COL5A1: variants seen among roughly 807,000 people sequenced by gnomAD.
The protein encoded by COL5A1 is collagen alpha-1(V) chain.
A neutral mutation model predicts 263.7 loss-of-function variants in COL5A1; 16 were observed. The observed-to-expected ratio is 0.06, with a 90% CI of 0.04 to 0.09. The LOEUF (loss-of-function observed/expected upper bound fraction) is 0.09, where lower values mean the gene tolerates loss of function less well. Ranked by LOEUF, COL5A1 falls within the 10% of genes least tolerant of loss-of-function variation. COL5A1 has a pLI of 1.00. For missense variants in COL5A1, 2,036 were observed against 2,540.5 expected (o/e 0.80, Z 4.27); for synonymous variants, 1,012 against 1,004.5 (o/e 1.01, Z -0.14).
rs1833769374 is a variant in COL5A1 at position 134,704,261 on chromosome 9, C to T, written c.654+2928C>T. 4.6e-5 allele frequency among the ~76,000 whole-genome samples: 7 copies of T among 152,146 alleles called. No homozygotes were observed. In the South Asian group the frequency reaches 1.5e-3, roughly 32 times the overall value. On this transcript the variant is annotated intron_variant, in intron 4 of 65. Transcript: ENST00000371817. Reference sequence around the variant, plus strand: ...TCTGACCGCTCCGAGACTCAGTTTCCCCATCTGTAAAATGACAATAATAGT... The same window carrying T: ...TCTGACCGCTCCGAGACTCAGTTTCTCCATCTGTAAAATGACAATAATAGT...
chr9:134,820,267 T>A, intron 58 of COL5A1, 44 bp downstream of exon 58: 1 of 1,508,544 alleles, frequency 6.6e-7, no homozygotes, highest in Non-Finnish European at 9.2e-7. Context: ...TCGAGAGGCA[T>A]TTTAGATCCC....
intron 63 of COL5A1, 103 bp from the exon 64 acceptor site, chr9:134,829,873 C>A: frequency 1.5e-6 from 2 of 1,297,330 alleles, no homozygotes; most frequent in South Asian, 1.3e-5. Context: ...CGTGAGGATG[C>A]AGGCGCGGGG....
At chr9:134,822,927 C>A in intron 59 of COL5A1, 71 bp from the exon 60 acceptor site, 1 of 1,571,592 alleles carries the variant, frequency 6.4e-7, no homozygotes, top group Non-Finnish European at 8.8e-7. Flanking sequence ...CCAGGCTGGG[C>A]AGGACATGGA....
rs3124294 is a variant in COL5A1 at position 134,713,090 on chromosome 9, T to A, written c.654+11757T>A. Among the ~76,000 whole-genome samples, 228 of 152,244 alleles carry A rather than the reference T, an allele frequency of 1.5e-3. 1 individual carries two copies. The highest frequency in any genetic ancestry group is 5.0e-3 in the African/African-American group (208 of 41,546). On this transcript the variant is annotated intron_variant, in intron 4 of 65. Coordinates refer to ENST00000371817, the MANE Select transcript of COL5A1 (RefSeq NM_000093.5). ...TGGGAGGCTGTGTGTTTGGAAATACTTTTTGGAGCTGAGAAGTGCAGGTTT... is the reference window on the plus strand; with the variant it reads ...TGGGAGGCTGTGTGTTTGGAAATACATTTTGGAGCTGAGAAGTGCAGGTTT...
At chr9:134,664,860 G>A (rs978539791) in intron 1 of COL5A1, among the ~76,000 whole-genome samples, 16 of 152,136 alleles carry the variant, frequency 1.1e-4, no homozygotes, top group Non-Finnish European at 1.8e-4. Context: ...CCAGGAGTTC[G>A]AGACCAGCCT....
In COL5A1 at chr9:134,782,083, GA is replaced by G. The variant is rs1213636911; in HGVS notation, c.2431-583del. 2.6e-5 allele frequency among the ~76,000 whole-genome samples: 4 copies of G among 152,218 alleles called. No homozygotes were observed. In the East Asian group the frequency reaches 7.7e-4, roughly 29 times the overall value. On this transcript the variant is annotated intron_variant, in intron 28 of 65. Coordinates refer to ENST00000371817, the MANE Select transcript of COL5A1 (RefSeq NM_000093.5). The stretch of plus-strand genomic sequence containing the variant: ...AACGTCTAGACCAGGGACTCAAACG[GA>G]CAGCAGGGGGCACTGACGCGCGGCA...
chr9:134,770,923 C>G (rs1256326317), intron 25 of COL5A1, among the ~76,000 whole-genome samples: 2 of 152,256 alleles, frequency 1.3e-5, no homozygotes, highest in East Asian at 3.8e-4. Flanking sequence ...CTTCCCCCCA[C>G]TGCTTTACTC....
rs1832821458 is a variant in COL5A1, at chr9:134,680,507, G to T, written c.110-10405G>T. 6.6e-6 allele frequency among the ~76,000 whole-genome samples: 1 copy of T among 152,222 alleles called. No individual in the cohort carries two copies. The highest frequency in any genetic ancestry group is 1.5e-5 in the Non-Finnish European group (1 of 68,036). On this transcript the variant is annotated intron_variant, in intron 1 of 65. Coordinates refer to ENST00000371817, the MANE Select transcript of COL5A1 (RefSeq NM_000093.5). The surrounding 1 kb of genome is among the most constrained non-coding windows in gnomAD (Gnocchi z 5.9). ...GGCTGAGGACACCAACCTGGTCCCC[G>T]CTGTGGAGGGCGGAGCTGGCATCCT...
chr9:134,704,485 C>T (rs1030101613), intron 4 of COL5A1, among the ~76,000 whole-genome samples: 3 of 152,132 alleles, frequency 2.0e-5, no homozygotes, highest in Admixed American at 6.5e-5. Context: ...TCCAGGGAAC[C>T]GTGCAGGTCT....
chr9:134,796,968 A>G, intron 36 of COL5A1, 67 bp downstream of exon 36: 1 of 1,391,694 alleles, frequency 7.2e-7, no homozygotes, highest in Non-Finnish European at 1.0e-6. Context: ...GTCCCCTCCA[A>G]AACCCGCCTG....
At chr9:134,822,453 C>G (rs565835260) in intron 59 of COL5A1, among the ~76,000 whole-genome samples, 1 of 152,160 alleles carries the variant, frequency 6.6e-6, no homozygotes, top group Non-Finnish European at 1.5e-5. Flanking sequence ...TAGTAGTTGG[C>G]TCTCCAGCCC....
At chr9:134,828,561 A>AT (rs1839398369) in intron 63 of COL5A1, among the ~76,000 whole-genome samples, 3 of 150,466 alleles carry the variant, frequency 2.0e-5, no homozygotes, top group African/African-American at 7.5e-5. Context: ...CGCACCACAC[A>AT]CACAATACAC....
At chr9:134,684,726 T>C (rs1400821902) in intron 1 of COL5A1, among the ~76,000 whole-genome samples, 1 of 152,210 alleles carries the variant, frequency 6.6e-6, no homozygotes, top group Non-Finnish European at 1.5e-5. Flanking sequence ...GAAATGCCTG[T>C]TGGGGACAGA....
intron 4 of COL5A1, chr9:134,708,701 CT>C (rs1351559014): frequency 1.9e-6 from 1 of 516,064 alleles, no homozygotes; most frequent in East Asian, 5.5e-5. Context: ...CCTCTTGCCC[CT>C]GGAAGGGACA....
At chr9:134,685,273 T>C (rs188725380) in intron 1 of COL5A1, among the ~76,000 whole-genome samples, 8,191 of 133,102 alleles carry the variant, frequency 0.062, 217 homozygotes, top group Non-Finnish European at 0.083. Context: ...CATTAAGTCA[T>C]CCATCCATCC....
In COL5A1 at chr9:134,825,805, C is replaced by T. The variant is rs201871481; in HGVS notation, c.4968C>T (p.Val1656=). ...HPDFPDGEYW[V]DPNQGCSRDS... is the part of the protein sequence containing the mutation. ...TCTGAAATCCAGGTGAATACTGGGTCGATCCTAACCAAGGATGCTCCAGGG... is the reference window on the plus strand; with the variant it reads ...TCTGAAATCCAGGTGAATACTGGGTTGATCCTAACCAAGGATGCTCCAGGG... Residue 1656 remains valine (V), a synonymous_variant, in exon 63 of 66, where the codon GTC becomes GTT. Coordinates refer to ENST00000371817, the MANE Select transcript of COL5A1 (RefSeq NM_000093.5). 1.5e-4 allele frequency: 236 copies of T among 1,611,370 alleles called. No individual in the cohort carries two copies. Among genetic ancestry groups the T allele is most frequent in the Non-Finnish European group, 1.7e-4 (201 of 1,178,196 alleles).
chr9:134,774,806 C>T (rs769827924), intron 26 of COL5A1, 53 bp from the exon 27 acceptor site: 3 of 1,575,822 alleles, frequency 1.9e-6, no homozygotes, highest in Non-Finnish European at 2.6e-6. Flanking sequence ...TGATGTTCCC[C>T]AGGCACCTCC....
chr9:134,686,906 A>C lies in COL5A1; in HGVS notation c.110-4006A>C, dbSNP rs539471378. On this transcript the variant is annotated intron_variant, in intron 1 of 65. Coordinates refer to ENST00000371817, the MANE Select transcript of COL5A1 (RefSeq NM_000093.5). The surrounding 1 kb of genome is among the most constrained non-coding windows in gnomAD (Gnocchi z 4.6). ...TGGTTCCAGGGAGGCTCCTGGTTTC[A>C]GTGCACACAGCTGATGGGAGCAAGC... Among the ~76,000 whole-genome samples the C allele has an allele frequency of 2.0e-5, 3 of 152,108 alleles. No homozygotes were observed. Among genetic ancestry groups the C allele is most frequent in the Non-Finnish European group, 4.4e-5 (3 of 68,032 alleles).
At chr9:134,729,489 T>C (rs1564415870) in intron 6 of COL5A1, among the ~76,000 whole-genome samples, 1 of 151,608 alleles carries the variant, frequency 6.6e-6, no homozygotes, top group Non-Finnish European at 1.5e-5. Flanking sequence ...CAGGCACGGG[T>C]GTGCTTGAGC....
Sources: allele counts gnomAD v4.1 joint callset (sites outside exome capture counted in the v4.1 genomes callset), GRCh38; gene constraint gnomAD v4.1.1; non-coding constraint Gnocchi (gnomAD v3.1); transcripts MANE v1.5; gene names NCBI Gene and HGNC (gene_info 2026-07-23, HGNC 2026-07-21).